The following CSMD1 variants were observed in gnomAD, a reference collection of about 807,000 sequenced individuals.
The protein encoded by CSMD1 is CUB and Sushi multiple domains 1, also known as CUB and sushi domain-containing protein 1.
A neutral mutation model predicts 417.5 loss-of-function variants in CSMD1; 213 were observed. That is an observed-to-expected ratio of 0.51 (90% CI 0.46 to 0.57). The LOEUF (loss-of-function observed/expected upper bound fraction) is 0.57, where lower values mean the gene tolerates loss of function less well. CSMD1 is among the 20% of genes least tolerant of loss of function. The pLI, the probability that CSMD1 is intolerant of heterozygous loss-of-function variation, is 0.00. For missense variants in CSMD1, 6,923 were observed against 4,529.7 expected (o/e 1.53, Z -15.17); for synonymous variants, 2,862 against 1,736.8 (o/e 1.65, Z -16.11).
intron 7 of CSMD1, among the ~76,000 whole-genome samples, chr8:3,664,706 T>C (rs1313213824): frequency 6.6e-6 from 1 of 152,238 alleles, no homozygotes; most frequent in Non-Finnish European, 1.5e-5. Flanking sequence ...CCCATCATCT[T>C]ATCGGGATGT....
chr8:3,352,745 C>T (rs1319961048), intron 21 of CSMD1, among the ~76,000 whole-genome samples: 1 of 152,112 alleles, frequency 6.6e-6, no homozygotes, highest in Non-Finnish European at 1.5e-5. Context: ...GAGGCTGAGG[C>T]CGGAGACTTG....
intron 10 of CSMD1, among the ~76,000 whole-genome samples, chr8:3,521,501 C>G (rs1797506974): frequency 6.6e-6 from 1 of 152,066 alleles, no homozygotes; most frequent in Non-Finnish European, 1.5e-5. Flanking sequence ...CATGCCGGTC[C>G]CTGTATTACA....
intron 3 of CSMD1, among the ~76,000 whole-genome samples, chr8:4,175,111 A>G (rs1411074792): frequency 1.3e-5 from 2 of 152,048 alleles, no homozygotes; most frequent in Non-Finnish European, 1.5e-5. Flanking sequence ...TCTGCCAAGA[A>G]TAATAATATC....
intron 3 of CSMD1, among the ~76,000 whole-genome samples, chr8:4,112,106 T>G (rs544538103): frequency 1.3e-5 from 2 of 152,256 alleles, no homozygotes; most frequent in South Asian, 4.1e-4. Context: ...AGGAACCACA[T>G]TAGCCCACAA....
chr8:4,173,295 C>G (rs777854074), intron 3 of CSMD1, among the ~76,000 whole-genome samples: 1 of 152,080 alleles, frequency 6.6e-6, no homozygotes, highest in Non-Finnish European at 1.5e-5. Flanking sequence ...GTCTGAGTTC[C>G]AAATTGAAGT....
chr8:4,597,347 C>G (rs1194652109), intron 2 of CSMD1, among the ~76,000 whole-genome samples: 1 of 152,118 alleles, frequency 6.6e-6, no homozygotes, highest in Non-Finnish European at 1.5e-5. Context: ...AGAGATGGCA[C>G]TCTCATTTCA....
At chr8:3,764,268 G>A (rs1216874912) in intron 5 of CSMD1, among the ~76,000 whole-genome samples, 3 of 152,176 alleles carry the variant, frequency 2.0e-5, no homozygotes, top group Non-Finnish European at 4.4e-5. Context: ...CACACTGCCT[G>A]TGTTCCCGTC....
intron 18 of CSMD1, 78 bp from the exon 19 acceptor site, chr8:3,369,448 A>G: frequency 2.8e-6 from 2 of 709,014 alleles, no homozygotes; most frequent in East Asian, 5.4e-5. Flanking sequence ...GTTAAATGGC[A>G]TGCAATTTGC....
At chr8:4,340,629 A>G (rs562196453) in intron 3 of CSMD1, among the ~76,000 whole-genome samples, 4 of 152,232 alleles carry the variant, frequency 2.6e-5, no homozygotes, top group East Asian at 1.9e-4. Flanking sequence ...TCCTCTGCCA[A>G]TGAGCCAAGT....
chr8:3,285,410 G>A (rs1554499455), intron 25 of CSMD1, among the ~76,000 whole-genome samples: 1 of 147,462 alleles, frequency 6.8e-6, no homozygotes, highest in Admixed American at 6.8e-5. Flanking sequence ...TTCTAGAGAT[G>A]GGATGTCGCT....
At chr8:3,866,385 C>T (rs78100746) in intron 5 of CSMD1, among the ~76,000 whole-genome samples, 1 of 152,106 alleles carries the variant, frequency 6.6e-6, no homozygotes, top group South Asian at 2.1e-4. Flanking sequence ...TTTCATTTAC[C>T]ATTGCTTAGC....
At chr8:4,074,529 C>G (rs1017518459) in intron 3 of CSMD1, among the ~76,000 whole-genome samples, 4 of 152,050 alleles carry the variant, frequency 2.6e-5, no homozygotes, top group Non-Finnish European at 5.9e-5. Context: ...TATTTGAGAA[C>G]ATGAGCTACC....
Position 4,463,825 on chromosome 8 carries a change from G to A in CSMD1, c.303-43760C>T, listed in dbSNP as rs547174844. On this transcript the variant is annotated intron_variant, in intron 2 of 69. Coordinates refer to ENST00000635120, the MANE Select transcript of CSMD1 (RefSeq NM_033225.6). ...ATCTTCCAAAAATAACTGTGGTGAT[G>A]AATGCATAACCCCAGGAATATATTA... Among the ~76,000 whole-genome samples, 16 of 152,266 alleles carry A rather than the reference G, an allele frequency of 1.1e-4. No homozygotes were observed. The South Asian group carries it at 2.7e-3, about 26-fold the overall frequency.
chr8:3,926,814 C>G (rs1479637679), intron 5 of CSMD1, among the ~76,000 whole-genome samples: 1 of 143,160 alleles, frequency 7.0e-6, no homozygotes, highest in African/African-American at 2.6e-5. Context: ...CTCCCGGGTT[C>G]AAGCAATTCC....
At chr8:3,709,221 G>A (rs1335966310) in intron 6 of CSMD1, among the ~76,000 whole-genome samples, 1 of 148,614 alleles carries the variant, frequency 6.7e-6, no homozygotes, top group Non-Finnish European at 1.5e-5. Flanking sequence ...AATATAAAAT[G>A]TTATGATCTT....
At chr8:3,497,003 T>G (rs1015575434) in intron 10 of CSMD1, among the ~76,000 whole-genome samples, 1 of 152,210 alleles carries the variant, frequency 6.6e-6, no homozygotes, top group Non-Finnish European at 1.5e-5. Flanking sequence ...TCAAAAAATA[T>G]ACTTGATATG....
At chr8:3,747,578 T>G (rs372350103) in intron 6 of CSMD1, among the ~76,000 whole-genome samples, 3 of 152,132 alleles carry the variant, frequency 2.0e-5, no homozygotes, top group East Asian at 1.9e-4. Context: ...CTTTCCAAGT[T>G]TGTTTATTAC....
chr8:4,885,771 T>C (rs1410727088), intron 1 of CSMD1, among the ~76,000 whole-genome samples: 1 of 151,934 alleles, frequency 6.6e-6, no homozygotes, highest in African/African-American at 2.4e-5. Flanking sequence ...ACTTTCCTGA[T>C]GGTTTCCTTT....
intron 1 of CSMD1, among the ~76,000 whole-genome samples, chr8:4,987,778 C>G (rs369324535): frequency 1.3e-5 from 2 of 152,186 alleles, no homozygotes; most frequent in Non-Finnish European, 2.9e-5. Flanking sequence ...CAACTGTCAT[C>G]TTGGCTAAAA....
Sources: allele counts gnomAD v4.1 joint callset (sites outside exome capture counted in the v4.1 genomes callset), GRCh38; gene constraint gnomAD v4.1.1; transcripts MANE v1.5; gene names NCBI Gene and HGNC (gene_info 2026-07-23, HGNC 2026-07-21).